The following PRKN variants were observed in gnomAD, a reference collection of about 807,000 sequenced individuals.
The protein encoded by PRKN is E3 ubiquitin-protein ligase parkin.
In PRKN, 56 loss-of-function variants were observed where a neutral mutation model predicts 59.5. The ratio of observed to expected loss-of-function variants is 0.94; its 90% CI spans 0.76 to 1.18. The LOEUF is 1.18. Ranked by LOEUF, PRKN falls within the 50% of genes most tolerant of loss-of-function variation. PRKN has a pLI of 0.00. For missense variants in PRKN, 657 were observed against 596.4 expected, an observed-to-expected ratio of 1.10 and a Z score of -1.06; for synonymous variants, 250 against 222.1, an observed-to-expected ratio of 1.13 and a Z score of -1.12.
rs1246330721 is a variant in PRKN, at chr6:161,581,888, G to A, written c.872-12472C>T. Among the ~76,000 whole-genome samples, 1 of 152,194 alleles carries A rather than the reference G, an allele frequency of 6.6e-6. No homozygotes were observed. The highest frequency in any genetic ancestry group is 6.5e-5 in the Admixed American group (1 of 15,282). ...CCACTCAATATTTACTGCGCAGAGAGCTGAGGACACACATTAATGAAACAG... is the reference window on the plus strand; with the variant it reads ...CCACTCAATATTTACTGCGCAGAGAACTGAGGACACACATTAATGAAACAG... On this transcript the variant is annotated intron_variant, in intron 7 of 11. Coordinates refer to ENST00000366898, the MANE Select transcript of PRKN (RefSeq NM_004562.3). The surrounding 1 kb of genome is among the most constrained non-coding windows in gnomAD (Gnocchi z 4.5).
At chr6:161,932,501 G>A (rs976555775) in intron 6 of PRKN, among the ~76,000 whole-genome samples, 2 of 152,102 alleles carry the variant, frequency 1.3e-5, no homozygotes, top group Non-Finnish European at 2.9e-5. Context: ...AAAGAATACT[G>A]AAACATTAAC....
intron 1 of PRKN, among the ~76,000 whole-genome samples, chr6:162,659,473 T>C (rs1247379509): frequency 6.6e-6 from 1 of 152,176 alleles, no homozygotes; most frequent in Admixed American, 6.5e-5. Context: ...TAGCTCTTAC[T>C]AAGAGATTTA....
At chr6:161,777,172 A>C (rs1288093176) in intron 7 of PRKN, among the ~76,000 whole-genome samples, 3 of 152,148 alleles carry the variant, frequency 2.0e-5, no homozygotes, top group Non-Finnish European at 4.4e-5. Context: ...CTGGAGATTC[A>C]ATGGAGGTTT....
At position 162,443,398 on chromosome 6, in the gene PRKN, T is replaced by C. The variant is rs200805156; in HGVS notation, c.83A>G (p.Glu28Gly). 2 of 1,613,910 alleles carry C rather than the reference T, an allele frequency of 1.2e-6. No homozygotes were observed. Among genetic ancestry groups the C allele is most frequent in the Non-Finnish European group, 8.5e-7 (1 of 1,179,964 alleles). ...DSDTSIFQLK[E>G]VVAKRQGVPA... Reference sequence around the variant, plus strand: ...AACCCCCTGTCGCTTAGCAACCACCTCCTTGAGCTGGAAGATGCTGGTGTC... The same window carrying C: ...AACCCCCTGTCGCTTAGCAACCACCCCCTTGAGCTGGAAGATGCTGGTGTC... The change falls in exon 2 of 12, where the codon GAG (glutamate) becomes GGG (glycine). Residue 28 changes from glutamate (E) to glycine (G), a missense_variant. Physicochemically the swap from Glu to Gly is moderately conservative, Grantham distance 98. Transcript: ENST00000366898.
chr6:161,904,855 A>G (rs1181877772), intron 6 of PRKN, among the ~76,000 whole-genome samples: 1 of 152,146 alleles, frequency 6.6e-6, no homozygotes, highest in African/African-American at 2.4e-5. Context: ...GACAAAAGGC[A>G]AGGGAATGGG....
chr6:162,419,622 A>G (rs1358167223), intron 2 of PRKN, among the ~76,000 whole-genome samples: 2 of 152,178 alleles, frequency 1.3e-5, no homozygotes, highest in African/African-American at 4.8e-5. Context: ...AACGCTCCCA[A>G]GTGAAATATA....
intron 1 of PRKN, among the ~76,000 whole-genome samples, chr6:162,701,520 TAAC>T (rs1562508585): frequency 6.6e-6 from 1 of 151,604 alleles, no homozygotes; most frequent in African/African-American, 2.4e-5. Flanking sequence ...ATTAACCCTA[TAAC>T]AACAGTAATT....
chr6:162,007,970 C>G (rs1782325234), intron 5 of PRKN, among the ~76,000 whole-genome samples: 3 of 152,134 alleles, frequency 2.0e-5, no homozygotes, highest in Admixed American at 2.0e-4. Flanking sequence ...GATATATTTT[C>G]AGATGTCGCT....
At chr6:162,278,491 G>A (rs1013501073) in intron 2 of PRKN, among the ~76,000 whole-genome samples, 9 of 152,072 alleles carry the variant, frequency 5.9e-5, no homozygotes, top group South Asian at 2.1e-4. Flanking sequence ...AAAATGTACC[G>A]CTCTGGTGGG....
At chr6:161,729,961 TG>T (rs1367457670) in intron 7 of PRKN, among the ~76,000 whole-genome samples, 1 of 152,266 alleles carries the variant, frequency 6.6e-6, no homozygotes, top group Non-Finnish European at 1.5e-5. Flanking sequence ...TGTTGCATTC[TG>T]ATGTGTTGCA....
At chr6:162,686,786 T>C (rs910783219) in intron 1 of PRKN, among the ~76,000 whole-genome samples, 1 of 152,162 alleles carries the variant, frequency 6.6e-6, no homozygotes, top group South Asian at 2.1e-4. Context: ...ACGCAGAGCA[T>C]GTTTTTGTTA....
At chr6:162,651,083 G>T (rs147025700) in intron 1 of PRKN, among the ~76,000 whole-genome samples, 1 of 152,162 alleles carries the variant, frequency 6.6e-6, no homozygotes, top group Non-Finnish European at 1.5e-5. Context: ...TTATTATCCT[G>T]TGAGGGTTAG....
chr6:162,673,216 A>C (rs1779401735), intron 1 of PRKN, among the ~76,000 whole-genome samples: 1 of 152,216 alleles, frequency 6.6e-6, no homozygotes, highest in Non-Finnish European at 1.5e-5. Flanking sequence ...TGAAGCCCAC[A>C]TGAGGTGCTT....
In PRKN at chr6:161,648,578, A is replaced by G. The variant is rs532482440; in HGVS notation, c.872-79162T>C. Among the ~76,000 whole-genome samples, 39 of 152,346 alleles carry G rather than the reference A, an allele frequency of 2.6e-4. No individual in the cohort carries two copies. The South Asian group carries it at 7.5e-3, about 29-fold the overall frequency. ...CAGTATTATTCTGTCTTCACTATTA[A>G]GAGTAGCCATAGTAAATCACCTCCT... On this transcript the variant is annotated intron_variant, in intron 7 of 11. Transcript: ENST00000366898.
At chr6:161,648,527 C>T (rs969438749) in intron 7 of PRKN, among the ~76,000 whole-genome samples, 6 of 152,132 alleles carry the variant, frequency 3.9e-5, no homozygotes, top group African/African-American at 1.4e-4. Flanking sequence ...TTCTTAATTG[C>T]CAATGTGGAT....
intron 3 of PRKN, among the ~76,000 whole-genome samples, chr6:162,219,614 G>GA (rs371488321): frequency 0.12 from 17,019 of 137,438 alleles, 1,042 homozygotes; most frequent in South Asian, 0.29. Flanking sequence ...CAGCATGGAG[G>GA]AAAAAAAAAA....
At chr6:162,252,582 T>C (rs568789302) in intron 3 of PRKN, among the ~76,000 whole-genome samples, 251 of 152,308 alleles carry the variant, frequency 1.6e-3, no homozygotes, top group African/African-American at 5.7e-3. Flanking sequence ...GTGAATGGGA[T>C]ACGTGCTCTT....
At chr6:162,274,239 G>A (rs1780515202) in intron 2 of PRKN, among the ~76,000 whole-genome samples, 1 of 151,662 alleles carries the variant, frequency 6.6e-6, no homozygotes, top group African/African-American at 2.4e-5. Context: ...ACTCAGGCTG[G>A]AGTGCAGGCA....
intron 6 of PRKN, among the ~76,000 whole-genome samples, chr6:161,843,940 G>T (rs868472537): frequency 6.6e-6 from 1 of 152,150 alleles, no homozygotes; most frequent in African/African-American, 2.4e-5. Context: ...ATGGTAACCT[G>T]CGTGGAAGGC....
Sources: gnomAD v4.1 joint callset for allele counts (sites outside exome capture counted in the v4.1 genomes callset) on GRCh38, gnomAD v4.1.1 for gene constraint, Gnocchi (gnomAD v3.1) non-coding constraint, MANE v1.5 for transcripts, NCBI Gene and HGNC (gene_info 2026-07-23, HGNC 2026-07-21) for gene names.